LAMA2: variants seen among roughly 807,000 people sequenced by gnomAD.
The protein encoded by LAMA2 is laminin subunit alpha 2.
In LAMA2, 269 loss-of-function variants were observed where a neutral mutation model predicts 364.8. The observed-to-expected ratio is 0.74, with a 90% CI of 0.67 to 0.82. The LOEUF (loss-of-function observed/expected upper bound fraction) is 0.82. Ranked by LOEUF, LAMA2 falls within the 40% of genes least tolerant of loss-of-function variation. The pLI, the probability that LAMA2 is intolerant of heterozygous loss-of-function variation, is 0.00. For missense variants in LAMA2, 3,807 were observed against 3,873.2 expected (o/e 0.98, Z 0.45); for synonymous variants, 1,379 against 1,370.6 (o/e 1.01, Z -0.14).
In LAMA2 at chr6:129,416,049, C is replaced by T. The variant is rs1347734424; in HGVS notation, c.5866-11703C>T. 3.3e-5 allele frequency among the ~76,000 whole-genome samples: 2 copies of T among 61,218 alleles called. 1 individual carries two copies. The highest frequency in any genetic ancestry group is 6.2e-5 in the Non-Finnish European group (2 of 32,002). The allele number at this position is 61,218 out of a possible 152,430, so 40.2% of individuals were successfully genotyped here. On this transcript the variant is annotated intron_variant, in intron 40 of 64. Transcript: ENST00000421865. The stretch of plus-strand genomic sequence containing the variant: ...CTGCAAGCTCCGCCTCCCGGGTTCA[C>T]GCCATTCTCCTGCCTCAGCCTCCCA...
At chr6:129,083,076 TCA>T (rs10553801) in intron 3 of LAMA2, among the ~76,000 whole-genome samples, 120,783 of 149,634 alleles carry the variant, frequency 0.81, 48,830 homozygotes, top group East Asian at 0.96. Flanking sequence ...TCTCCTCTGC[TCA>T]CACACACACA....
rs554471590 is a variant in LAMA2 at position 129,037,880 on chromosome 6, A to G, written c.113-12038A>G. Among the ~76,000 whole-genome samples, 485 of 152,282 alleles carry G rather than the reference A, an allele frequency of 3.2e-3. 5 individuals carry two copies. The highest frequency in any genetic ancestry group is 0.011 in the African/African-American group (469 of 41,560). On this transcript the variant is annotated intron_variant, in intron 1 of 64. Transcript: ENST00000421865. ...GAGACAGGGTTTCACCGTGTTAGCC[A>G]GGATGGTCTTGATCTCCTGACCTCG...
At chr6:129,244,658 C>T (rs1164711770) in intron 12 of LAMA2, among the ~76,000 whole-genome samples, 1 of 152,018 alleles carries the variant, frequency 6.6e-6, no homozygotes, top group East Asian at 1.9e-4. Flanking sequence ...ATTTCCTCTC[C>T]AGAAACATTA....
intron 1 of LAMA2, among the ~76,000 whole-genome samples, chr6:129,004,184 A>G (rs1475051548): frequency 3.0e-4 from 11 of 36,768 alleles, no homozygotes; most frequent in Admixed American, 2.1e-3. Flanking sequence ...ATTCTCACTC[A>G]TAGGTGGGAA....
intron 4 of LAMA2, among the ~76,000 whole-genome samples, chr6:129,119,610 C>T (rs1316471425): frequency 6.6e-6 from 1 of 152,100 alleles, no homozygotes; most frequent in Non-Finnish European, 1.5e-5. Flanking sequence ...TGCAGTGGCT[C>T]GATCTTGGCT....
chr6:129,091,773 A>T (rs912517774), intron 3 of LAMA2, among the ~76,000 whole-genome samples: 5 of 152,276 alleles, frequency 3.3e-5, no homozygotes, highest in African/African-American at 1.2e-4. Flanking sequence ...AAACTCACAC[A>T]GAAAATAATA....
chr6:129,170,117 C>G (rs969508807), intron 9 of LAMA2, among the ~76,000 whole-genome samples: 3 of 151,424 alleles, frequency 2.0e-5, no homozygotes, highest in Admixed American at 2.0e-4. Context: ...AAACCAGCTC[C>G]TGGATTCATT....
chr6:128,950,448 G>A (rs2114566384), intron 1 of LAMA2, among the ~76,000 whole-genome samples: 1 of 152,266 alleles, frequency 6.6e-6, no homozygotes, highest in South Asian at 2.1e-4. Context: ...CAGGCCACGT[G>A]GGTAGAACTT....
intron 28 of LAMA2, among the ~76,000 whole-genome samples, chr6:129,327,934 T>G (rs1236566488): frequency 1.3e-5 from 2 of 152,196 alleles, no homozygotes; most frequent in African/African-American, 4.8e-5. Flanking sequence ...ATTTTAGGTG[T>G]TAAAGACATT....
chr6:129,221,000 A>G (rs1174189223), intron 12 of LAMA2, among the ~76,000 whole-genome samples: 3 of 151,978 alleles, frequency 2.0e-5, no homozygotes, highest in Non-Finnish European at 2.9e-5. Context: ...TGTCTCTACT[A>G]AAAATACAAA....
chr6:129,185,262 C>T (rs566999122), intron 10 of LAMA2, among the ~76,000 whole-genome samples: 1 of 151,884 alleles, frequency 6.6e-6, no homozygotes, highest in South Asian at 2.1e-4. Flanking sequence ...AGAAAGAATA[C>T]AAGAAAACTA....
At chr6:129,134,673 T>C (rs1378302170) in intron 4 of LAMA2, among the ~76,000 whole-genome samples, 1 of 152,194 alleles carries the variant, frequency 6.6e-6, no homozygotes, top group Non-Finnish European at 1.5e-5. Flanking sequence ...CAGTTTACAA[T>C]AGGGCTTGTG....
At chr6:129,143,340 T>A (rs1778240190) in intron 4 of LAMA2, among the ~76,000 whole-genome samples, 1 of 151,962 alleles carries the variant, frequency 6.6e-6, no homozygotes, top group Non-Finnish European at 1.5e-5. Context: ...AAAATACAGA[T>A]AACGACAACC....
chr6:129,228,279 G>T, intron 12 of LAMA2, among the ~76,000 whole-genome samples: 2 of 152,138 alleles, frequency 1.3e-5, no homozygotes, highest in South Asian at 4.1e-4. Context: ...TGTGCTTCCC[G>T]GGTGAGGTGA....
chr6:129,252,591 C>T (rs1264041786), intron 14 of LAMA2, among the ~76,000 whole-genome samples: 1 of 152,096 alleles, frequency 6.6e-6, no homozygotes, highest in Non-Finnish European at 1.5e-5. Flanking sequence ...ATAAAGTCTC[C>T]TTTATGATGG....
At chr6:129,509,272 A>G (rs1353377057) in intron 62 of LAMA2, among the ~76,000 whole-genome samples, 1 of 152,112 alleles carries the variant, frequency 6.6e-6, no homozygotes, top group Non-Finnish European at 1.5e-5. Context: ...TCAGATGGGT[A>G]GTTTGCAAAT....
At chr6:129,008,317 TA>T (rs527999363) in intron 1 of LAMA2, among the ~76,000 whole-genome samples, 25 of 149,190 alleles carry the variant, frequency 1.7e-4, no homozygotes, top group South Asian at 4.2e-4. Context: ...CTGCTGAACT[TA>T]AAAAAAAAAT....
chr6:128,937,144 A>C (rs141114204), intron 1 of LAMA2, among the ~76,000 whole-genome samples: 1,828 of 152,342 alleles, frequency 0.012, 17 homozygotes, highest in Middle Eastern at 0.034. Context: ...AACAAAGCAT[A>C]AGTGAGAATA....
chr6:129,301,779 G>GT (rs1200630320), intron 22 of LAMA2, among the ~76,000 whole-genome samples: 1 of 152,000 alleles, frequency 6.6e-6, no homozygotes, highest in African/African-American at 2.4e-5. Context: ...ATCATCCCTT[G>GT]TGCCCCATTG....
Sources: gnomAD v4.1 joint callset for allele counts (sites outside exome capture counted in the v4.1 genomes callset) on GRCh38, gnomAD v4.1.1 for gene constraint, MANE v1.5 for transcripts, NCBI Gene and HGNC (gene_info 2026-07-23, HGNC 2026-07-21) for gene names.